The following PRELID2 variants were observed in gnomAD, a reference collection of about 807,000 sequenced individuals.
PRELID2 encodes the protein PRELI domain containing 2, also known as PRELI domain-containing protein 2.
Under a neutral mutation model 28.4 loss-of-function variants are expected in PRELID2, and 25 were observed. That is an observed-to-expected ratio of 0.88 (90% confidence interval 0.64 to 1.23). PRELID2 has a LOEUF of 1.23. Among genes scored for constraint, PRELID2 ranks in the 50% most tolerant of loss-of-function variants. PRELID2 has a pLI of 0.00. For synonymous variants in PRELID2, 76 were observed against 71.6 expected (o/e 1.06, Z -0.31); for missense variants, 201 against 214.4 (o/e 0.94, Z 0.39).
At chr5:145,458,426 T>C in the PRELID2 span, among the ~76,000 whole-genome samples, 2 of 152,206 alleles carry the variant, frequency 1.3e-5, no homozygotes, top group Non-Finnish European at 2.9e-5. Flanking sequence ...AATGTAAAAT[T>C]GTACAGACAG....
chr5:145,667,043 T>C (rs1754608915), intron 1 of PRELID2, among the ~76,000 whole-genome samples: 1 of 152,048 alleles, frequency 6.6e-6, no homozygotes, highest in South Asian at 2.1e-4. Context: ...GAATGAGAGG[T>C]CTCTAGTGAA....
chr5:145,455,505 A>T, the PRELID2 span, among the ~76,000 whole-genome samples: 4 of 152,294 alleles, frequency 2.6e-5, no homozygotes, highest in South Asian at 8.3e-4. Flanking sequence ...CTTGGTGGGG[A>T]TAGCATTGAA....
At position 145,517,440 on chromosome 5, in the gene PRELID2, A is replaced by G. The variant is rs572270461; in HGVS notation, n.71-44125T>C. Among the ~76,000 whole-genome samples, 199 of 152,342 alleles carry G rather than the reference A, an allele frequency of 1.3e-3. 2 individuals are homozygous for G. In the South Asian group the frequency reaches 0.016, roughly 12 times the overall value. Reference sequence around the variant, plus strand: ...AAATGCAAATCAAAACCACGATGAGATACCATCTCATGCCAGTTAAAATGG... The same window carrying G: ...AAATGCAAATCAAAACCACGATGAGGTACCATCTCATGCCAGTTAAAATGG... On this transcript the variant is annotated intron_variant and non_coding_transcript_variant, in intron 1 of 2. Transcript: ENST00000510259.
At chr5:145,340,133 G>A in the PRELID2 span, among the ~76,000 whole-genome samples, 1 of 152,034 alleles carries the variant, frequency 6.6e-6, no homozygotes, top group Non-Finnish European at 1.5e-5. Flanking sequence ...TATCAGCCTG[G>A]TCCCATCCCC....
the PRELID2 span, among the ~76,000 whole-genome samples, chr5:145,394,889 A>G: frequency 5.3e-5 from 8 of 152,170 alleles, no homozygotes; most frequent in African/African-American, 1.9e-4. Flanking sequence ...GTCCTCAAAT[A>G]TCAAGATGTA....
At chr5:145,643,173 G>A (rs1754137407) in intron 1 of PRELID2, among the ~76,000 whole-genome samples, 1 of 152,104 alleles carries the variant, frequency 6.6e-6, no homozygotes, top group Non-Finnish European at 1.5e-5. Context: ...CCATTTGTTT[G>A]TGTCCTCTCT....
At chr5:145,413,450 T>G in the PRELID2 span, among the ~76,000 whole-genome samples, 1 of 152,160 alleles carries the variant, frequency 6.6e-6, no homozygotes, top group East Asian at 1.9e-4. Flanking sequence ...AAAGTAGAAC[T>G]ACCATTTGAT....
intron 1 of PRELID2, among the ~76,000 whole-genome samples, chr5:145,578,533 T>A (rs1395604515): frequency 1.3e-5 from 2 of 152,034 alleles, no homozygotes; most frequent in Non-Finnish European, 2.9e-5. Context: ...GCAAAACCAT[T>A]GCCAGCAGAA....
intron 1 of PRELID2, among the ~76,000 whole-genome samples, chr5:145,515,382 T>C (rs967167172): frequency 2.6e-4 from 40 of 152,082 alleles, no homozygotes; most frequent in African/African-American, 8.9e-4. Flanking sequence ...TCTATGCAAA[T>C]AAACTAGAAA....
the PRELID2 span, among the ~76,000 whole-genome samples, chr5:145,449,145 G>A: frequency 6.6e-6 from 1 of 152,104 alleles, no homozygotes; most frequent in Non-Finnish European, 1.5e-5. Flanking sequence ...AGCCCCAGAG[G>A]AAGGAGAACA....
the PRELID2 span, among the ~76,000 whole-genome samples, chr5:145,287,857 C>T: frequency 6.6e-6 from 1 of 152,114 alleles, no homozygotes. Context: ...TTAGCTGTAA[C>T]TTATCTTAGC....
the PRELID2 span, among the ~76,000 whole-genome samples, chr5:145,340,778 T>TATATATATATAC: frequency 3.9e-5 from 5 of 129,186 alleles, no homozygotes; most frequent in African/African-American, 1.5e-4. Flanking sequence ...TACATATATA[T>TATATATATATAC]ATATATATAT....
the PRELID2 span, among the ~76,000 whole-genome samples, chr5:145,380,524 CA>C: frequency 1.3e-5 from 2 of 152,210 alleles, no homozygotes; most frequent in African/African-American, 2.4e-5. Flanking sequence ...AACTTCTCAA[CA>C]AAGTCTTCTG....
At chr5:145,279,555 T>C in the PRELID2 span, among the ~76,000 whole-genome samples, 1 of 152,174 alleles carries the variant, frequency 6.6e-6, no homozygotes, top group African/African-American at 2.4e-5. Context: ...TTTAGCACAG[T>C]GCTTGCCAAA....
chr5:145,683,404 C>A (rs1176653050), intron 1 of PRELID2, among the ~76,000 whole-genome samples: 1 of 152,170 alleles, frequency 6.6e-6, no homozygotes, highest in Non-Finnish European at 1.5e-5. Flanking sequence ...GCACCAAATA[C>A]TACAAACTGG....
intron 1 of PRELID2, among the ~76,000 whole-genome samples, chr5:145,664,556 G>T (rs147774811): frequency 1.5e-3 from 222 of 152,176 alleles, no homozygotes; most frequent in Non-Finnish European, 2.8e-3. Flanking sequence ...TCTGTGGGGT[G>T]GGCCACTTCT....
chr5:145,559,636 T>C (rs1428087279), intron 1 of PRELID2, among the ~76,000 whole-genome samples: 1 of 152,156 alleles, frequency 6.6e-6, no homozygotes, highest in Non-Finnish European at 1.5e-5. Flanking sequence ...CTAAGAAAAG[T>C]CTGGCTCTAG....
intron 5 of PRELID2, among the ~76,000 whole-genome samples, chr5:145,788,634 T>G (rs1014426575): frequency 6.6e-6 from 1 of 152,146 alleles, no homozygotes; most frequent in African/African-American, 2.4e-5. Flanking sequence ...GCCACTTCTA[T>G]TCAATATAAT....
the PRELID2 span, among the ~76,000 whole-genome samples, chr5:145,370,756 T>A: frequency 2.0e-5 from 3 of 152,190 alleles, no homozygotes; most frequent in Admixed American, 2.0e-4. Context: ...TCCATGAGGA[T>A]GGAATGTTTT....
Sources: gnomAD v4.1 joint callset for allele counts (sites outside exome capture counted in the v4.1 genomes callset) on GRCh38, gnomAD v4.1.1 for gene constraint, MANE v1.5 for transcripts, NCBI Gene and HGNC (gene_info 2026-07-23, HGNC 2026-07-21) for gene names.